Variants in PDE4D observed in about 807,000 individuals in gnomAD.
PDE4D encodes the protein 3',5'-cyclic-AMP phosphodiesterase 4D.
Under a neutral mutation model 87.4 loss-of-function variants are expected in PDE4D, and 24 were observed. That is an observed-to-expected ratio of 0.27 (90% CI 0.20 to 0.39). PDE4D has a LOEUF of 0.39. PDE4D is among the 10% of genes least tolerant of loss of function. PDE4D has a pLI of 1.00. For missense variants in PDE4D, 714 were observed against 1,041.0 expected, an observed-to-expected ratio of 0.69 and a Z score of 4.32; for synonymous variants, 384 against 383.2, an observed-to-expected ratio of 1.00 and a Z score of -0.02.
chr5:59,235,698 T>G (rs1756264885), intron 1 of PDE4D, among the ~76,000 whole-genome samples: 1 of 152,170 alleles, frequency 6.6e-6, no homozygotes, highest in Non-Finnish European at 1.5e-5. Context: ...GTTCAAAACC[T>G]TTGTGTGGAA....
In PDE4D at chr5:59,495,377, A is replaced by T. The variant is rs113489702; in HGVS notation, c.456-279409T>A. Among the ~76,000 whole-genome samples, 495 of 152,218 alleles carry T rather than the reference A, an allele frequency of 3.3e-3. 2 individuals are homozygous for T. The highest frequency in any genetic ancestry group is 0.011 in the African/African-American group (455 of 41,536). ...TTATTACCCCCTGGCCCTGTTTCTA[A>T]GTTTCTTAGTGAAATTATCATCAAA... is the stretch of plus-strand genomic sequence containing the variant. On this transcript the variant is annotated intron_variant, in intron 1 of 14. Transcript: ENST00000340635.
chr5:60,478,471 C>T (rs1748492085), intron 1 of PDE4D, among the ~76,000 whole-genome samples: 1 of 151,978 alleles, frequency 6.6e-6, no homozygotes, highest in Admixed American at 6.6e-5. Flanking sequence ...TTCCGTAGCA[C>T]TAGAGTCTAT....
intron 1 of PDE4D, among the ~76,000 whole-genome samples, chr5:59,804,702 C>G (rs1767544184): frequency 1.3e-5 from 2 of 152,182 alleles, no homozygotes; most frequent in African/African-American, 4.8e-5. Flanking sequence ...TTTCATAAAA[C>G]TTAAAAACGA....
intron 1 of PDE4D, among the ~76,000 whole-genome samples, chr5:60,286,850 G>C (rs1376649846): frequency 6.6e-6 from 1 of 152,158 alleles, no homozygotes; most frequent in African/African-American, 2.4e-5. Context: ...TGAGTAGCTT[G>C]CTAATGTTTC....
intron 1 of PDE4D, among the ~76,000 whole-genome samples, chr5:60,223,732 T>C (rs2149603532): frequency 6.6e-6 from 1 of 152,230 alleles, no homozygotes; most frequent in South Asian, 2.1e-4. Flanking sequence ...GTACTTCACA[T>C]ATTTAATTAC....
chr5:59,771,504 A>AAGAAAGAAAG (rs1763539151), intron 1 of PDE4D, among the ~76,000 whole-genome samples: 1 of 130,008 alleles, frequency 7.7e-6, no homozygotes. Flanking sequence ...AGAGAGAAGA[A>AAGAAAGAAAG]AGAAAGAAAG....
intron 11 of PDE4D, among the ~76,000 whole-genome samples, chr5:58,979,486 A>T (rs1744596079): frequency 6.6e-6 from 1 of 152,160 alleles, no homozygotes. Flanking sequence ...GACTGAAGGC[A>T]TATGGTCACA....
chr5:59,120,572 C>CT, intron 5 of PDE4D, among the ~76,000 whole-genome samples: 1 of 145,216 alleles, frequency 6.9e-6, no homozygotes, highest in East Asian at 1.9e-4. Context: ...TTCTTTCTCC[C>CT]TTTCTCTTTA....
chr5:60,418,750 C>T (rs1458377881), intron 1 of PDE4D, among the ~76,000 whole-genome samples: 3 of 151,992 alleles, frequency 2.0e-5, no homozygotes, highest in Non-Finnish European at 4.4e-5. Context: ...GTTACACTCT[C>T]GGTTATTTTT....
chr5:59,862,402 C>G (rs577029628), intron 1 of PDE4D, among the ~76,000 whole-genome samples: 45 of 152,282 alleles, frequency 3.0e-4, no homozygotes, highest in Non-Finnish European at 5.6e-4. Context: ...TCAGCTTACC[C>G]TGACCTCTAA....
intron 1 of PDE4D, among the ~76,000 whole-genome samples, chr5:60,351,441 G>C (rs1254024692): frequency 6.6e-6 from 1 of 152,136 alleles, no homozygotes; most frequent in African/African-American, 2.4e-5. Flanking sequence ...TGGGCCTCTG[G>C]GGAAGGAGAG....
At chr5:59,077,414 G>A (rs1021969944) in intron 5 of PDE4D, among the ~76,000 whole-genome samples, 22 of 151,488 alleles carry the variant, frequency 1.5e-4, no homozygotes, top group African/African-American at 4.4e-4. Flanking sequence ...ATTTGCAAGC[G>A]GCTGAAGCAG....
intron 1 of PDE4D, among the ~76,000 whole-genome samples, chr5:59,298,634 G>A (rs1040718021): frequency 6.6e-6 from 1 of 152,124 alleles, no homozygotes; most frequent in African/African-American, 2.4e-5. Context: ...CAATTGTTTT[G>A]CAAGTTAGCT....
rs1177876033 is a variant in PDE4D at position 59,764,651 on chromosome 5, C to CTTTTT, written c.455+128512_455+128516dup. ...TGTTTACTTAAGAAAAGAGAAGTCC[C>CTTTTT]TTTTTTTTTTTTTTTTTTTTTGGTG... is the stretch of plus-strand genomic sequence containing the variant. On this transcript the variant is annotated intron_variant, in intron 1 of 14. Coordinates refer to ENST00000340635, the MANE Select transcript of PDE4D (RefSeq NM_001104631.2). 1.4e-4 allele frequency among the ~76,000 whole-genome samples: 17 copies of CTTTTT among 123,352 alleles called. 1 individual carries two copies. The highest frequency in any genetic ancestry group is 1.6e-4 in the Non-Finnish European group (10 of 61,598). The allele number at this position is 123,352 out of a possible 152,430, so 80.9% of individuals were successfully genotyped here.
chr5:60,468,130 C>CTTTTCTT (rs1554040600), intron 1 of PDE4D, among the ~76,000 whole-genome samples: 1 of 126,186 alleles, frequency 7.9e-6, no homozygotes, highest in African/African-American at 3.1e-5. Flanking sequence ...AACTTTCTTT[C>CTTTTCTT]TTTTTTCTTT....
At chr5:59,300,672 T>C (rs1261162100) in intron 1 of PDE4D, among the ~76,000 whole-genome samples, 4 of 152,076 alleles carry the variant, frequency 2.6e-5, no homozygotes, top group African/African-American at 9.7e-5. Flanking sequence ...CGAACAAACA[T>C]GTGAGGTTTC....
At chr5:59,496,951 G>A (rs1350339663) in intron 1 of PDE4D, among the ~76,000 whole-genome samples, 1 of 152,014 alleles carries the variant, frequency 6.6e-6, no homozygotes, top group Non-Finnish European at 1.5e-5. Flanking sequence ...CTACCTTCTG[G>A]CGCTCACTCT....
At chr5:59,968,235 C>T (rs1052015303) in intron 3 of PDE4D, among the ~76,000 whole-genome samples, 29 of 140,444 alleles carry the variant, frequency 2.1e-4, no homozygotes, top group Middle Eastern at 7.4e-3. Flanking sequence ...CCACCTGTCT[C>T]GACCTCCCAA....
At chr5:59,066,773 A>C (rs1237152683) in intron 5 of PDE4D, among the ~76,000 whole-genome samples, 2 of 152,102 alleles carry the variant, frequency 1.3e-5, no homozygotes, top group Non-Finnish European at 2.9e-5. Flanking sequence ...TCATGAGAGC[A>C]CAGCCCTTAT....
Sources: allele counts gnomAD v4.1 joint callset (sites outside exome capture counted in the v4.1 genomes callset), GRCh38; gene constraint gnomAD v4.1.1; transcripts MANE v1.5; gene names NCBI Gene and HGNC (gene_info 2026-07-23, HGNC 2026-07-21).